The following ABL2 variants were observed in gnomAD, a reference collection of about 807,000 sequenced individuals.
The protein encoded by ABL2 is tyrosine-protein kinase ABL2.
Under a neutral mutation model 107.7 loss-of-function variants are expected in ABL2, and 49 were observed. The ratio of observed to expected loss-of-function variants is 0.45; its 90% confidence interval spans 0.36 to 0.58. The LOEUF (loss-of-function observed/expected upper bound fraction) is 0.58. Among genes scored for constraint, ABL2 ranks in the 20% least tolerant of loss-of-function variants. The pLI is 0.00. For missense variants in ABL2, 1,245 were observed against 1,457.0 expected (o/e 0.85, Z 2.37); for synonymous variants, 549 against 548.6 (o/e 1.00, Z -0.01).
intron 4 of ABL2, among the ~76,000 whole-genome samples, chr1:179,124,139 G>A (rs1655499801): frequency 6.6e-6 from 1 of 151,810 alleles, no homozygotes; most frequent in Admixed American, 6.6e-5. Flanking sequence ...TATTGAGGAG[G>A]CTGAGGCAGG....
At chr1:179,217,327 C>T (rs897090862) in intron 1 of ABL2, among the ~76,000 whole-genome samples, 7 of 143,748 alleles carry the variant, frequency 4.9e-5, no homozygotes, top group East Asian at 2.2e-4. Context: ...AAAAAAGAGC[C>T]GCTCGGCCTG....
rs535576546 is a variant in ABL2 at position 179,158,256 on chromosome 1, T to G, written c.158-24882A>C. ...TTCTGGACTTTTGAGCATCACAATA[T>G]CCAAGAGCAATTTAGAAGATAGAGA... On this transcript the variant is annotated intron_variant, in intron 1 of 11. Coordinates refer to ENST00000502732, the MANE Select transcript of ABL2 (RefSeq NM_007314.4). 3.9e-5 allele frequency among the ~76,000 whole-genome samples: 6 copies of G among 152,282 alleles called. No individual in the cohort carries two copies. In the South Asian group the frequency reaches 1.0e-3, roughly 26 times the overall value.
intron 1 of ABL2, among the ~76,000 whole-genome samples, chr1:179,141,435 G>A (rs1055084319): frequency 2.6e-5 from 4 of 152,166 alleles, no homozygotes; most frequent in African/African-American, 9.7e-5. Context: ...CTTCCTGAAA[G>A]TTGTGTTATC....
At chr1:179,135,700 T>C (rs1394304346) in intron 1 of ABL2, among the ~76,000 whole-genome samples, 29 of 82,770 alleles carry the variant, frequency 3.5e-4, no homozygotes, top group Admixed American at 5.2e-4. Flanking sequence ...AGGTGAGGGG[T>C]GCCTCTGCCC....
intron 1 of ABL2, among the ~76,000 whole-genome samples, chr1:179,225,949 CAGG>C (rs1348886231): frequency 7.0e-6 from 1 of 143,796 alleles, no homozygotes; most frequent in African/African-American, 2.6e-5. Flanking sequence ...GAGGCTGAGG[CAGG>C]AGAATGGCGT....
chr1:179,147,006 G>C (rs1019968886), intron 1 of ABL2, among the ~76,000 whole-genome samples: 1 of 151,566 alleles, frequency 6.6e-6, no homozygotes, highest in Non-Finnish European at 1.5e-5. Context: ...AGGCTGTAGT[G>C]AGCCAAGATC....
chr1:179,126,013 G>A lies in ABL2; in HGVS notation c.687+364C>T, dbSNP rs3766622. Among the ~76,000 whole-genome samples, 26 of 152,142 alleles carry A rather than the reference G, an allele frequency of 1.7e-4. No individual in the cohort carries two copies. The East Asian group carries it at 5.0e-3, about 29-fold the overall frequency. Reference sequence around the variant, plus strand: ...TAAATTCTTACTCTGTGAACTTTCTGGTAGATATTATTCTAATTTTCAATG... The same window carrying A: ...TAAATTCTTACTCTGTGAACTTTCTAGTAGATATTATTCTAATTTTCAATG... On this transcript the variant is annotated intron_variant, in intron 4 of 11. Transcript: ENST00000502732. This position sits in a 1 kb window ranked among gnomAD's most constrained non-coding sequence, Gnocchi z 4.4.
intron 1 of ABL2, among the ~76,000 whole-genome samples, chr1:179,156,509 T>C (rs1369202271): frequency 6.6e-6 from 1 of 152,226 alleles, no homozygotes; most frequent in Non-Finnish European, 1.5e-5. Flanking sequence ...ATCATTTTTC[T>C]CCAGCTTCAA....
chr1:179,124,352 C>G (rs1432576475), intron 4 of ABL2, among the ~76,000 whole-genome samples: 1 of 151,812 alleles, frequency 6.6e-6, no homozygotes, highest in Non-Finnish European at 1.5e-5. Context: ...ATCACCCACA[C>G]CAAGAATTAT....
intron 1 of ABL2, among the ~76,000 whole-genome samples, chr1:179,143,277 A>G (rs1657753287): frequency 6.6e-6 from 1 of 152,234 alleles, no homozygotes; most frequent in African/African-American, 2.4e-5. Context: ...TTACTTCAAA[A>G]TCTCTGAGAA....
chr1:179,107,933 T>C lies in ABL2; in HGVS notation c.3334A>G (p.Thr1112Ala). 2.5e-6 allele frequency: 4 copies of C among 1,614,214 alleles called. No individual in the cohort carries two copies. The highest frequency in any genetic ancestry group is 3.4e-6 in the Non-Finnish European group (4 of 1,180,040). The change falls in exon 12 of 12, where the codon ACT (threonine) becomes GCT (alanine). Residue 1112 changes from threonine (T) to alanine (A), a missense_variant. By Grantham distance (58) the Thr-to-Ala change is moderately conservative. Around this residue, in one of 3 missense-constraint regions of ABL2, gnomAD observed 761 missense variants for 766.4 expected, o/e 0.99. Transcript: ENST00000502732. Reference sequence around the variant, plus strand: ...CAGTAGTCAAGCAGCTGGTGTCCAGTGTCTACCAGCTGGCTGTTGGGCACA... The same window carrying C: ...CAGTAGTCAAGCAGCTGGTGTCCAGCGTCTACCAGCTGGCTGTTGGGCACA... ...EPVPNSQLVD[T>A]GHQLLDYCSG...
chr1:179,200,586 A>G (rs1274895307), intron 1 of ABL2, among the ~76,000 whole-genome samples: 1 of 152,164 alleles, frequency 6.6e-6, no homozygotes, highest in Non-Finnish European at 1.5e-5. Flanking sequence ...GCACAACTTA[A>G]ACCCAAAAAA....
chr1:179,131,180 G>A (rs978449468), intron 3 of ABL2, 131 bp downstream of exon 3: 6 of 899,976 alleles, frequency 6.7e-6, no homozygotes, highest in African/African-American at 5.1e-5. Flanking sequence ...CTGACCTCAG[G>A]TGACCTGCCC....
Position 179,229,611 on chromosome 1 carries a change from T to G in ABL2, c.-214A>C. The G allele has an allele frequency of 1.9e-6, 1 of 527,606 alleles. No homozygotes were observed. The allele number at this position is 527,606 out of a possible 1,614,324, so 32.7% of individuals were successfully genotyped here. ...CACAGATTCTGCTTTTCCCTCCTCC[T>G]GTCGCGGCTCCGCGCCCCCAACGCC... is the stretch of plus-strand genomic sequence containing the variant. On this transcript the variant is annotated 5_prime_UTR_variant, in exon 1 of 12. Transcript: ENST00000502732.
intron 1 of ABL2, among the ~76,000 whole-genome samples, chr1:179,147,717 G>A (rs993772807): frequency 4.6e-5 from 7 of 152,232 alleles, no homozygotes; most frequent in African/African-American, 1.7e-4. Context: ...TCCAAAAGGT[G>A]GAATACTACC....
intron 1 of ABL2, among the ~76,000 whole-genome samples, chr1:179,164,690 T>C (rs1659277369): frequency 6.6e-6 from 1 of 152,174 alleles, no homozygotes; most frequent in Non-Finnish European, 1.5e-5. Context: ...AGATCTACAA[T>C]ACAATCCTTT....
chr1:179,173,494 C>T (rs1353077603), intron 1 of ABL2, among the ~76,000 whole-genome samples: 1 of 150,998 alleles, frequency 6.6e-6, no homozygotes, highest in African/African-American at 2.4e-5. Flanking sequence ...TCTCTAGCAG[C>T]TGGGATTACA....
chr1:179,196,281 T>C (rs1219771304), intron 1 of ABL2, among the ~76,000 whole-genome samples: 5 of 152,262 alleles, frequency 3.3e-5, no homozygotes. Flanking sequence ...CACCCCCATT[T>C]CCTGTCACTT....
At chr1:179,199,549 G>T (rs576121076) in intron 1 of ABL2, among the ~76,000 whole-genome samples, 1 of 152,064 alleles carries the variant, frequency 6.6e-6, no homozygotes, top group South Asian at 2.1e-4. Context: ...CTAACATTTT[G>T]AGTTATTATA....
Sources: gnomAD v4.1 joint callset for allele counts (sites outside exome capture counted in the v4.1 genomes callset) on GRCh38, gnomAD v4.1.1 for gene constraint, gnomAD v4.1.1 regional missense constraint, Gnocchi (gnomAD v3.1) non-coding constraint, MANE v1.5 for transcripts, NCBI Gene and HGNC (gene_info 2026-07-23, HGNC 2026-07-21) for gene names.